HDAC9: variants seen among roughly 807,000 people sequenced by gnomAD.
HDAC9 encodes histone deacetylase 9.
In HDAC9, 41 loss-of-function variants were observed where a neutral mutation model predicts 139.4. The observed-to-expected ratio is 0.29, with a 90% confidence interval of 0.23 to 0.38. The LOEUF (loss-of-function observed/expected upper bound fraction) is 0.38, where lower values mean the gene tolerates loss of function less well. Ranked by LOEUF, HDAC9 falls within the 10% of genes least tolerant of loss-of-function variation. The probability of loss-of-function intolerance (pLI) is 1.00; values close to 1 mark genes in which losing one functional copy is unlikely to be tolerated. For missense variants in HDAC9, 1,147 were observed against 1,297.0 expected, an observed-to-expected ratio of 0.88 and a Z score of 1.78; for synonymous variants, 517 against 476.2, an observed-to-expected ratio of 1.09 and a Z score of -1.12.
intron 21 of HDAC9, among the ~76,000 whole-genome samples, chr7:18,859,869 T>C (rs1158927024): frequency 3.2e-5 from 3 of 94,030 alleles, no homozygotes; most frequent in Admixed American, 1.2e-4. Flanking sequence ...TGTGAGAGAA[T>C]GAGAGAGAGA....
At chr7:18,314,067 A>G (rs1055860145) in intron 1 of HDAC9, among the ~76,000 whole-genome samples, 7 of 152,180 alleles carry the variant, frequency 4.6e-5, no homozygotes, top group African/African-American at 1.7e-4. Context: ...TATTCTTTTT[A>G]CTATCCTCCT....
intron 1 of HDAC9, among the ~76,000 whole-genome samples, chr7:18,356,856 A>C (rs1462646133): frequency 6.6e-6 from 1 of 152,148 alleles, no homozygotes; most frequent in East Asian, 1.9e-4. Context: ...AAAATCTATA[A>C]GAATTTTTAA....
chr7:18,477,487 T>A (rs1795206404), intron 1 of HDAC9, among the ~76,000 whole-genome samples: 2 of 152,128 alleles, frequency 1.3e-5, no homozygotes, highest in South Asian at 4.1e-4. Flanking sequence ...CAAAATATAT[T>A]TGAGATGGAG....
At chr7:18,506,867 G>C (rs1328750369) in intron 2 of HDAC9, among the ~76,000 whole-genome samples, 1 of 152,030 alleles carries the variant, frequency 6.6e-6, no homozygotes, top group East Asian at 1.9e-4. Context: ...TCTGCTTGCT[G>C]TTTGGGTATT....
chr7:18,759,446 A>T (rs1317343662), intron 14 of HDAC9, among the ~76,000 whole-genome samples: 1 of 151,992 alleles, frequency 6.6e-6, no homozygotes, highest in Non-Finnish European at 1.5e-5. Context: ...AGCGCTCCTT[A>T]TGAGGATCAA....
chr7:18,717,437 T>C (rs75853364), intron 12 of HDAC9, among the ~76,000 whole-genome samples: 7,716 of 151,574 alleles, frequency 0.051, 270 homozygotes, highest in East Asian at 0.12. Context: ...TTTCCTTTTT[T>C]TTTTTTTTTT....
chr7:18,391,232 A>C (rs1786451277), intron 1 of HDAC9, among the ~76,000 whole-genome samples: 1 of 151,658 alleles, frequency 6.6e-6, no homozygotes, highest in South Asian at 2.1e-4. Context: ...TAAAAATACA[A>C]AAATTATCCG....
rs190807342 is a variant in HDAC9, at chr7:18,245,583, A to C, written c.25+83234A>C. On this transcript the variant is annotated intron_variant, in intron 2 of 12. Transcript: ENST00000417496. ...GCCCACCAAGATAGAACTTCTTTTC[A>C]ACTTAATCACTCAAAAAGGCTAACT... is the stretch of plus-strand genomic sequence containing the variant. Among the ~76,000 whole-genome samples the C allele has an allele frequency of 9.2e-5, 14 of 152,334 alleles. No homozygotes were observed. In the East Asian group the frequency reaches 2.7e-3, roughly 29 times the overall value.
At chr7:18,480,644 G>A (rs1023401950) in intron 1 of HDAC9, among the ~76,000 whole-genome samples, 1 of 152,186 alleles carries the variant, frequency 6.6e-6, no homozygotes, top group Non-Finnish European at 1.5e-5. Flanking sequence ...AAAGGAAATA[G>A]AGTTTTAAGA....
At position 18,779,245 on chromosome 7, in the gene HDAC9, C is replaced by T. The variant is rs375163621; in HGVS notation, c.2214+12090C>T. Among the ~76,000 whole-genome samples the T allele has an allele frequency of 7.2e-5, 11 of 152,170 alleles. No homozygotes were observed. The East Asian group carries it at 1.9e-3, about 27-fold the overall frequency. Reference sequence around the variant, plus strand: ...ACCCATTGTTATCATAAATCCATCCCAGCTCCATTTCAAGACTCTCAGGGT... The same window carrying T: ...ACCCATTGTTATCATAAATCCATCCTAGCTCCATTTCAAGACTCTCAGGGT... On this transcript the variant is annotated intron_variant, in intron 16 of 25. Transcript: ENST00000686413.
At chr7:18,204,197 G>A (rs1791334358) in intron 2 of HDAC9, among the ~76,000 whole-genome samples, 1 of 152,022 alleles carries the variant, frequency 6.6e-6, no homozygotes, top group Non-Finnish European at 1.5e-5. Flanking sequence ...TTATATTTAT[G>A]ACGTTATGAG....
intron 17 of HDAC9, among the ~76,000 whole-genome samples, chr7:18,819,458 C>T (rs961049735): frequency 6.6e-6 from 1 of 152,038 alleles, no homozygotes; most frequent in Non-Finnish European, 1.5e-5. Context: ...ATGTGAATTT[C>T]ATCAGTTATG....
intron 1 of HDAC9, among the ~76,000 whole-genome samples, chr7:18,391,791 C>G (rs958289880): frequency 6.6e-6 from 1 of 152,178 alleles, no homozygotes; most frequent in African/African-American, 2.4e-5. Flanking sequence ...AATCTTTTTG[C>G]TCTCTGGTTT....
chr7:18,906,911 C>T (rs1461909063), intron 22 of HDAC9: 1 of 152,154 alleles, frequency 6.6e-6, no homozygotes, highest in Non-Finnish European at 1.5e-5. Flanking sequence ...CCCTGGAAAG[C>T]CCTGATTTAA....
intron 23 of HDAC9, among the ~76,000 whole-genome samples, chr7:18,950,351 T>G (rs1265086196): frequency 6.6e-6 from 1 of 152,054 alleles, no homozygotes; most frequent in African/African-American, 2.4e-5. Context: ...TGTGTGGAAA[T>G]TATGCAAGAG....
At chr7:18,273,056 GTTTTTTTTTTTTTTT>G (rs746089054) in intron 2 of HDAC9, among the ~76,000 whole-genome samples, 1,716 of 84,808 alleles carry the variant, frequency 0.02, 75 homozygotes, top group African/African-American at 0.098. Context: ...CCCCTTCTTC[GTTTTTTTTTTTTTTT>G]TTTTTTTTTT....
intron 1 of HDAC9, among the ~76,000 whole-genome samples, chr7:18,137,729 G>A (rs921162494): frequency 2.6e-5 from 4 of 151,932 alleles, no homozygotes; most frequent in Non-Finnish European, 5.9e-5. Flanking sequence ...GAGAATTTTT[G>A]CATCAATGTT....
At chr7:18,889,078 A>G (rs1368471203) in intron 22 of HDAC9, among the ~76,000 whole-genome samples, 1 of 152,076 alleles carries the variant, frequency 6.6e-6, no homozygotes, top group Non-Finnish European at 1.5e-5. Context: ...CTCTTACCAC[A>G]CGTGATGTCT....
At chr7:18,471,811 A>G (rs754967031) in intron 1 of HDAC9, among the ~76,000 whole-genome samples, 1 of 152,246 alleles carries the variant, frequency 6.6e-6, no homozygotes, top group Non-Finnish European at 1.5e-5. Context: ...CCTTGTGGAG[A>G]GAAAATCAGA....
Sources: allele counts gnomAD v4.1 joint callset (sites outside exome capture counted in the v4.1 genomes callset), GRCh38; gene constraint gnomAD v4.1.1; transcripts MANE v1.5; gene names NCBI Gene and HGNC (gene_info 2026-07-23, HGNC 2026-07-21).